Variants in DNAJC9 observed in about 807,000 individuals in gnomAD.
The protein encoded by DNAJC9 is DnaJ heat shock protein family (Hsp40) member C9.
Under a neutral mutation model 32.4 loss-of-function variants are expected in DNAJC9, and 18 were observed. The observed-to-expected ratio is 0.56, with a 90% CI of 0.38 to 0.82. The LOEUF (loss-of-function observed/expected upper bound fraction) is 0.82, where lower values mean the gene tolerates loss of function less well. Ranked by LOEUF, DNAJC9 falls within the 40% of genes least tolerant of loss-of-function variation. DNAJC9 has a pLI of 0.00. For missense variants in DNAJC9, 310 were observed against 321.8 expected (o/e 0.96, Z 0.28); for synonymous variants, 113 against 122.1 (o/e 0.93, Z 0.49).
At position 73,246,739 on chromosome 10, in the gene DNAJC9, C is replaced by G. The variant is rs1365777976; in HGVS notation, c.270G>C (p.Val90=). Residue 90 remains valine (V), a synonymous_variant, in exon 2 of 5, where the codon GTG becomes GTC. Coordinates refer to ENST00000372950, the MANE Select transcript of DNAJC9 (RefSeq NM_015190.5). ...EQGTVDEDSP[V]LTQDRDWEAY... Reference sequence around the variant, plus strand: ...CCTCCCAGTCTCGGTCTTGGGTGAGCACAGGAGAGTCCTCGTCCACTGTTC... The same window carrying G: ...CCTCCCAGTCTCGGTCTTGGGTGAGGACAGGAGAGTCCTCGTCCACTGTTC... 6.2e-7 allele frequency: 1 copy of G among 1,614,112 alleles called. No homozygotes were observed. Among genetic ancestry groups the G allele is most frequent in the East Asian group, 2.2e-5 (1 of 44,886 alleles).
chr10:73,244,793 T>C (rs1025611243), intron 3 of DNAJC9, among the ~76,000 whole-genome samples: 2 of 150,312 alleles, frequency 1.3e-5, no homozygotes, highest in Non-Finnish European at 2.9e-5. Flanking sequence ...CCAACACCCC[T>C]TGTGAATTTT....
downstream of DNAJC9, chr10:73,241,282 C>T (rs2043946390): frequency 2.3e-6 from 1 of 436,278 alleles, no homozygotes; most frequent in Admixed American, 3.5e-5. Context: ...AAAGATGCAA[C>T]AGTGAATAAT....
downstream of DNAJC9, chr10:73,239,398 C>T: frequency 6.5e-7 from 1 of 1,547,896 alleles, no homozygotes; most frequent in Non-Finnish European, 8.7e-7. Flanking sequence ...AAGGTGGGGC[C>T]ATGGCCCTTA....
chr10:73,232,668 T>C (rs926421667), intron 2 of DNAJC9, among the ~76,000 whole-genome samples: 1 of 152,196 alleles, frequency 6.6e-6, no homozygotes, highest in Non-Finnish European at 1.5e-5. Context: ...AAAGTGACTG[T>C]GATGGCAGGT....
chr10:73,235,878 A>G (rs2043809083), downstream of DNAJC9, among the ~76,000 whole-genome samples: 1 of 152,088 alleles, frequency 6.6e-6, no homozygotes, highest in Non-Finnish European at 1.5e-5. Context: ...GACACTGCCT[A>G]CCATTTATTA....
chr10:73,240,124 T>G (rs1415238027), downstream of DNAJC9, among the ~76,000 whole-genome samples: 1 of 152,224 alleles, frequency 6.6e-6, no homozygotes. Flanking sequence ...CTTGCTATGT[T>G]GCCCAGGCTG....
chr10:73,243,507 C>G lies in DNAJC9; in HGVS notation c.676G>C (p.Asp226His), dbSNP rs1161306663. The G allele has an allele frequency of 1.2e-6, 2 of 1,614,124 alleles. No individual in the cohort carries two copies. Among genetic ancestry groups the G allele is most frequent in the South Asian group, 1.1e-5 (1 of 91,084 alleles). ...AAATTGTCCATTTCCTTTTGCCGAT[C>G]CTTTTGTCTGCTCTGTTTGAGAAGT... Reference protein sequence around the residue: ...LKAAIQSRQKDRQKEMDNFLA... With the variant: ...LKAAIQSRQKHRQKEMDNFLA... The change falls in exon 5 of 5, where the codon GAT becomes CAT. Residue 226 changes from aspartate to histidine, a missense_variant. Transcript: ENST00000372950.
At chr10:73,240,570 G>A (rs1246783140), downstream of DNAJC9, among the ~76,000 whole-genome samples, 1 of 152,064 alleles carries the variant, frequency 6.6e-6, no homozygotes, top group Admixed American at 6.5e-5. Context: ...AAATTAGCCG[G>A]GTGTGGTGGC....
chr10:73,242,518 C>T lies in DNAJC9; in HGVS notation c.*882G>A, dbSNP rs139898273. The T allele has an allele frequency of 6.6e-6, 1 of 152,208 alleles. No homozygotes were observed. The highest frequency in any genetic ancestry group is 2.4e-5 in the African/African-American group (1 of 41,528). The allele number at this position is 152,208 out of a possible 1,614,324, so 9.4% of individuals were successfully genotyped here. The stretch of plus-strand genomic sequence containing the variant: ...ATTTTTTTTTAACCAAAAAACTGGA[C>T]ATGTTTAATACATACAGTTTGACAA... On this transcript the variant is annotated 3_prime_UTR_variant, in exon 5 of 5. Coordinates refer to ENST00000372950, the MANE Select transcript of DNAJC9 (RefSeq NM_015190.5).
At chr10:73,239,344 T>C (rs1473083914), downstream of DNAJC9, 7 of 1,551,640 alleles carry the variant, frequency 4.5e-6, no homozygotes, top group East Asian at 1.7e-4. Context: ...CATGTGCAGT[T>C]GAGTATCCTC....
At chr10:73,234,501 G>A (rs1423218409), downstream of DNAJC9, 1 of 277,012 alleles carries the variant, frequency 3.6e-6, no homozygotes, top group African/African-American at 2.2e-5. Context: ...TCATCAGCTG[G>A]GAATTTACAA....
At chr10:73,232,719 TTA>T (rs1408767223) in intron 2 of DNAJC9, among the ~76,000 whole-genome samples, 5 of 152,196 alleles carry the variant, frequency 3.3e-5, no homozygotes, top group Non-Finnish European at 7.3e-5. Context: ...TTCTAGTAAA[TTA>T]TGTTTATGAT....
chr10:73,234,827 C>T, downstream of DNAJC9: 1 of 1,551,560 alleles, frequency 6.4e-7, no homozygotes, highest in South Asian at 1.2e-5. Flanking sequence ...CCCAGTGGCA[C>T]CCGACTCGCT....
intron 2 of DNAJC9, chr10:73,232,983 T>G (rs909963701): frequency 9.0e-6 from 14 of 1,552,012 alleles, no homozygotes; most frequent in African/African-American, 1.4e-5. Context: ...TCCAGTACCA[T>G]CCTTTCAACT....
downstream of DNAJC9, among the ~76,000 whole-genome samples, chr10:73,240,376 T>C (rs545734110): frequency 6.6e-6 from 1 of 152,336 alleles, no homozygotes; most frequent in South Asian, 2.1e-4. Context: ...CAGATTATGC[T>C]TTCAGATCTG....
At chr10:73,246,548 G>T in intron 2 of DNAJC9, 140 bp downstream of exon 2, 1 of 924,870 alleles carries the variant, frequency 1.1e-6, no homozygotes, top group East Asian at 2.4e-5. Context: ...AAGCGTGCGT[G>T]TATCTGTATT....
rs141038252 is a variant in DNAJC9, at chr10:73,243,440, C to G, written c.743G>C (p.Gly248Ala). Reference sequence around the variant, plus strand: ...CTTGAGAGCAGATTTTTTCCCTCCTCCTTTGGAAGATTTGCAGTACTTTGC... The same window carrying G: ...CTTGAGAGCAGATTTTTTCCCTCCTGCTTTGGAAGATTTGCAGTACTTTGC... Reference protein sequence around the residue: ...MEAKYCKSSKGGGKKSALKKE... With the variant: ...MEAKYCKSSKAGGKKSALKKE... The change falls in exon 5 of 5, where the codon GGA becomes GCA. Residue 248 changes from glycine to alanine, a missense_variant. Transcript: ENST00000372950. The G allele has an allele frequency of 3.2e-4, 517 of 1,613,970 alleles. 4 individuals are homozygous for G. In the African/African-American group the frequency reaches 6.0e-3, roughly 19 times the overall value.
chr10:73,246,364 G>C (rs987433064), intron 2 of DNAJC9, among the ~76,000 whole-genome samples, 188 bp from the exon 3 acceptor site: 2 of 152,066 alleles, frequency 1.3e-5, no homozygotes, highest in African/African-American at 4.8e-5. Flanking sequence ...TTCATTAACT[G>C]CTAACTAGGG....
chr10:73,237,546 A>T (rs2043848710), downstream of DNAJC9, among the ~76,000 whole-genome samples: 1 of 151,802 alleles, frequency 6.6e-6, no homozygotes, highest in South Asian at 2.1e-4. Flanking sequence ...CAGCCTCCTG[A>T]GTAGCTGGGA....
Sources: allele counts gnomAD v4.1 joint callset (sites outside exome capture counted in the v4.1 genomes callset), GRCh38; gene constraint gnomAD v4.1.1; transcripts MANE v1.5; gene names NCBI Gene and HGNC (gene_info 2026-07-23, HGNC 2026-07-21).